ZBTB49: variants seen among roughly 807,000 people sequenced by gnomAD.
ZBTB49 encodes zinc finger and BTB domain containing 49, also known as zinc finger and BTB domain-containing protein 49.
ZBTB49 carries 43 observed loss-of-function variants against 57.5 expected under a neutral mutation model. The observed-to-expected ratio is 0.75, with a 90% CI of 0.59 to 0.97. The LOEUF (loss-of-function observed/expected upper bound fraction) is 0.97, where lower values mean the gene tolerates loss of function less well. Ranked by LOEUF, ZBTB49 falls within the 50% of genes least tolerant of loss-of-function variation. The pLI is 0.00. For missense variants in ZBTB49, 938 were observed against 947.7 expected, an observed-to-expected ratio of 0.99 and a Z score of 0.13; for synonymous variants, 369 against 362.1, an observed-to-expected ratio of 1.02 and a Z score of -0.22.
At position 4,302,287 on chromosome 4, in the gene ZBTB49, A is replaced by G; in HGVS notation, c.451A>G (p.Asn151Asp). 1 of 1,614,110 alleles carries G rather than the reference A, an allele frequency of 6.2e-7. No individual in the cohort carries two copies. The change falls in exon 3 of 8, where the codon AAC becomes GAC. Residue 151 changes from asparagine to aspartate, a missense_variant. Physicochemically the swap from Asn to Asp is conservative, Grantham distance 23. Transcript: ENST00000337872. ...AGATGCCACTTGTGTTATCAGTGAA[A>G]ACTACCCCCCTCATTTACTGCAGGA... is the stretch of plus-strand genomic sequence containing the variant. ...TPDATCVISE[N>D]YPPHLLQECS... is the part of the protein sequence containing the mutation.
rs1277884604 is a variant in ZBTB49, at chr4:4,306,176, TTC to T, written c.1299_1300del (p.Gln434GlyfsTer3). ...TGAATGTAACATTTGTGGGAAACAT[TTC>T]TCTCAGGTGGGAATACTCTTATTTA... is the stretch of plus-strand genomic sequence containing the variant. ...PFECNICGKHFSQAGNLQTHL... is the reference protein window; with the variant it reads ...PFECNICGKHXSQAGNLQTHL... On this transcript the variant is annotated frameshift_variant, in exon 4 of 8. Coordinates refer to ENST00000337872, the MANE Select transcript of ZBTB49 (RefSeq NM_145291.4). LOFTEE classifies it high-confidence loss of function. 6.2e-7 allele frequency: 1 copy of T among 1,612,850 alleles called. No individual in the cohort carries two copies. Among genetic ancestry groups the T allele is most frequent in the East Asian group, 2.2e-5 (1 of 44,780 alleles).
intron 2 of ZBTB49, among the ~76,000 whole-genome samples, chr4:4,301,719 A>AT (rs1720480603): frequency 6.6e-6 from 1 of 152,036 alleles, no homozygotes; most frequent in East Asian, 1.9e-4. Context: ...AATGTATGTA[A>AT]TTTTTTATTG....
chr4:4,308,275 C>G lies in ZBTB49; in HGVS notation c.1302+2091C>G, dbSNP rs1023673142. Among the ~76,000 whole-genome samples, 5 of 152,126 alleles carry G rather than the reference C, an allele frequency of 3.3e-5. No individual in the cohort carries two copies. The East Asian group carries it at 7.7e-4, about 23-fold the overall frequency. ...TATATTTTTAGTAGAGATGGGGTTTCACCATGTTGGCCAGGATGGTCTCAA... is the reference window on the plus strand; with the variant it reads ...TATATTTTTAGTAGAGATGGGGTTTGACCATGTTGGCCAGGATGGTCTCAA... On this transcript the variant is annotated intron_variant, in intron 4 of 7. Coordinates refer to ENST00000337872, the MANE Select transcript of ZBTB49 (RefSeq NM_145291.4).
intron 4 of ZBTB49, among the ~76,000 whole-genome samples, chr4:4,309,551 T>C (rs1053225159): frequency 6.6e-6 from 1 of 152,174 alleles, no homozygotes; most frequent in African/African-American, 2.4e-5. Context: ...TTCCTCCAAG[T>C]AGGCAGAAAC....
rs374349820 is a variant in ZBTB49 at position 4,302,355 on chromosome 4, G to T, written c.519G>T (p.Ser173=). The change falls in exon 3 of 8, where the codon TCG becomes TCT. Residue 173 remains serine (S), a synonymous_variant. Coordinates refer to ENST00000337872, the MANE Select transcript of ZBTB49 (RefSeq NM_145291.4). ...AGCAGAACAAAACGTTGGATGAATC[G>T]CATCCGCATGCTTCACCATCAGTTA... ...DAQQNKTLDE[S]HPHASPSVNR... The T allele has an allele frequency of 9.9e-6, 16 of 1,614,086 alleles. No individual in the cohort carries two copies. The highest frequency in any genetic ancestry group is 3.3e-5 in the Admixed American group (2 of 60,008).
At chr4:4,303,171 TAAG>T in intron 3 of ZBTB49, 80 bp downstream of exon 3, 2 of 1,429,270 alleles carry the variant, frequency 1.4e-6, no homozygotes, top group South Asian at 3.5e-5. Flanking sequence ...CTTGTTTTTG[TAAG>T]AAGTTTTGCT....
intron 1 of ZBTB49, among the ~76,000 whole-genome samples, chr4:4,290,852 C>G (rs1346509095): frequency 6.6e-6 from 1 of 152,216 alleles, no homozygotes; most frequent in East Asian, 1.9e-4. Flanking sequence ...AATGTCATAG[C>G]GGCACCTGCG....
At chr4:4,292,447 CTG>C (rs1329136991) in intron 1 of ZBTB49, among the ~76,000 whole-genome samples, 2 of 152,160 alleles carry the variant, frequency 1.3e-5, no homozygotes, top group Non-Finnish European at 2.9e-5. Context: ...TGATGGAAAA[CTG>C]AGACACAGAG....
intron 7 of ZBTB49, among the ~76,000 whole-genome samples, chr4:4,320,012 C>G (rs935350236): frequency 1.4e-5 from 2 of 145,870 alleles, no homozygotes; most frequent in African/African-American, 5.1e-5. Context: ...TGCACTGAGC[C>G]GAGACAATGC....
At chr4:4,298,521 G>T (rs1234132762) in intron 1 of ZBTB49, among the ~76,000 whole-genome samples, 1 of 151,900 alleles carries the variant, frequency 6.6e-6, no homozygotes, top group Admixed American at 6.6e-5. Context: ...CAACCTTCTG[G>T]CCTCAAGCAG....
intron 1 of ZBTB49, among the ~76,000 whole-genome samples, 151 bp from the exon 2 acceptor site, chr4:4,299,776 G>GGTGTGTGTGTGTGT (rs33911857): frequency 2.9e-5 from 3 of 103,740 alleles, no homozygotes; most frequent in African/African-American, 8.3e-5. Context: ...CAGAAACAGA[G>GGTGTGTGTGTGTGT]GTGTGTGTGT....
intron 1 of ZBTB49, among the ~76,000 whole-genome samples, chr4:4,295,783 A>G (rs138780602): frequency 6.8e-4 from 104 of 152,204 alleles, no homozygotes; most frequent in Non-Finnish European, 1.2e-3. Context: ...TCATGCCAAT[A>G]CCCCAAACCC....
At chr4:4,308,063 G>A (rs1720817249) in intron 4 of ZBTB49, among the ~76,000 whole-genome samples, 1 of 152,046 alleles carries the variant, frequency 6.6e-6, no homozygotes, top group Admixed American at 6.6e-5. Context: ...TGGGGCTTAG[G>A]TATTGATGTT....
At chr4:4,291,538 G>C (rs1719912160) in intron 1 of ZBTB49, among the ~76,000 whole-genome samples, 1 of 152,220 alleles carries the variant, frequency 6.6e-6, no homozygotes, top group Non-Finnish European at 1.5e-5. Flanking sequence ...AATGGACAAG[G>C]AGGGAAATAC....
At chr4:4,295,129 A>G (rs1720132741) in intron 1 of ZBTB49, among the ~76,000 whole-genome samples, 1 of 152,148 alleles carries the variant, frequency 6.6e-6, no homozygotes, top group Admixed American at 6.6e-5. Context: ...GTATTGATCC[A>G]TTATCACACT....
intron 1 of ZBTB49, among the ~76,000 whole-genome samples, chr4:4,291,014 TA>T (rs1419162139): frequency 6.6e-6 from 1 of 152,186 alleles, no homozygotes; most frequent in African/African-American, 2.4e-5. Context: ...GTTTGTTGCT[TA>T]AATGAATGAA....
At chr4:4,301,249 A>T (rs1258833931) in intron 2 of ZBTB49, among the ~76,000 whole-genome samples, 2 of 152,206 alleles carry the variant, frequency 1.3e-5, no homozygotes, top group African/African-American at 2.4e-5. Flanking sequence ...TTATTATTTC[A>T]TACATAATAC....
At chr4:4,298,134 G>A (rs957632277) in intron 1 of ZBTB49, among the ~76,000 whole-genome samples, 1 of 152,176 alleles carries the variant, frequency 6.6e-6, no homozygotes, top group Admixed American at 6.5e-5. Flanking sequence ...ATAGGGTGAG[G>A]ACAGTGGGTC....
Position 4,321,041 on chromosome 4 carries a change from G to C in ZBTB49, c.2023G>C (p.Gly675Arg). ...CCAGGAGAAGCTGAGTTTGGATCCT[G>C]GTAAACTTGCCAAGCCCCAGATGCA... The part of the protein sequence containing the change: ...SDQEKLSLDP[G>R]KLAKPQMQQT... The change falls in exon 8 of 8, where the codon GGT becomes CGT. Residue 675 changes from glycine (G) to arginine (R), a missense_variant. Around this residue, in one of 3 missense-constraint regions of ZBTB49, gnomAD observed 835 missense variants for 819.1 expected, o/e 1.02. Transcript: ENST00000337872. The C allele has an allele frequency of 6.2e-7, 1 of 1,614,198 alleles. No homozygotes were observed. Among genetic ancestry groups the C allele is most frequent in the Non-Finnish European group, 8.5e-7 (1 of 1,180,036 alleles).
Sources: gnomAD v4.1 joint callset for allele counts (sites outside exome capture counted in the v4.1 genomes callset) on GRCh38, gnomAD v4.1.1 for gene constraint, gnomAD v4.1.1 regional missense constraint, MANE v1.5 for transcripts, NCBI Gene and HGNC (gene_info 2026-07-23, HGNC 2026-07-21) for gene names.